The following CDH12 variants were observed in gnomAD, a reference collection of about 807,000 sequenced individuals.
The protein encoded by CDH12 is cadherin-12.
In CDH12, 41 loss-of-function variants were observed where a neutral mutation model predicts 74.1. The ratio of observed to expected loss-of-function variants is 0.55; its 90% CI spans 0.43 to 0.72. The LOEUF (loss-of-function observed/expected upper bound fraction) is 0.72. Among genes scored for constraint, CDH12 ranks in the 30% least tolerant of loss-of-function variants. The probability of loss-of-function intolerance (pLI) is 0.00; values close to 1 mark genes in which losing one functional copy is unlikely to be tolerated. For synonymous variants in CDH12, 399 were observed against 355.0 expected (o/e 1.12, Z -1.39); for missense variants, 945 against 977.2 (o/e 0.97, Z 0.44).
intron 1 of CDH12, among the ~76,000 whole-genome samples, chr5:22,843,214 C>T (rs1240159745): frequency 2.0e-5 from 3 of 152,038 alleles, no homozygotes; most frequent in Non-Finnish European, 4.4e-5. Flanking sequence ...ATCCACAATA[C>T]TGGGGAAGTC....
chr5:22,333,459 G>A (rs1410194041), intron 3 of CDH12, among the ~76,000 whole-genome samples: 1 of 152,024 alleles, frequency 6.6e-6, no homozygotes, highest in African/African-American at 2.4e-5. Flanking sequence ...TTCTGCATGT[G>A]TATCCTGGAA....
At chr5:21,854,027 GA>G (rs1256191748) in intron 7 of CDH12, among the ~76,000 whole-genome samples, 2 of 151,606 alleles carry the variant, frequency 1.3e-5, no homozygotes, top group Non-Finnish European at 3.0e-5. Flanking sequence ...GAAATAGAGT[GA>G]CCTCATTTAT....
At chr5:22,069,873 T>G (rs956060745) in intron 5 of CDH12, among the ~76,000 whole-genome samples, 4 of 152,142 alleles carry the variant, frequency 2.6e-5, no homozygotes, top group African/African-American at 7.2e-5. Flanking sequence ...GCAGAACTAG[T>G]AACGGTCTAG....
chr5:22,778,598 A>G (rs1747226531), intron 1 of CDH12, among the ~76,000 whole-genome samples: 1 of 152,202 alleles, frequency 6.6e-6, no homozygotes, highest in Admixed American at 6.5e-5. Context: ...AAAGCAAAAC[A>G]TATTCCTAAG....
chr5:22,296,785 T>C (rs1737642102), intron 3 of CDH12, among the ~76,000 whole-genome samples: 1 of 152,206 alleles, frequency 6.6e-6, no homozygotes, highest in Non-Finnish European at 1.5e-5. Context: ...CAGTAAAACC[T>C]TTCTAAGCAA....
intron 1 of CDH12, among the ~76,000 whole-genome samples, chr5:22,769,562 T>A (rs1054315285): frequency 6.6e-6 from 1 of 152,062 alleles, no homozygotes; most frequent in Non-Finnish European, 1.5e-5. Flanking sequence ...ATCGTGGGAC[T>A]TCGCCCTGTG....
At chr5:22,107,225 G>A (rs531923737) in intron 4 of CDH12, among the ~76,000 whole-genome samples, 120 of 150,914 alleles carry the variant, frequency 8.0e-4, no homozygotes, top group Middle Eastern at 6.9e-3. Flanking sequence ...CTCTGCCTCC[G>A]AAGTTCAAGC....
chr5:22,313,566 C>T (rs1211499257), intron 3 of CDH12, among the ~76,000 whole-genome samples: 1 of 151,936 alleles, frequency 6.6e-6, no homozygotes, highest in Non-Finnish European at 1.5e-5. Context: ...ATTGATCACA[C>T]TATATAAATT....
intron 2 of CDH12, among the ~76,000 whole-genome samples, chr5:22,491,645 A>G (rs1746877500): frequency 6.6e-6 from 1 of 151,898 alleles, no homozygotes; most frequent in Non-Finnish European, 1.5e-5. Context: ...AAAAACAACA[A>G]CAATAACAAA....
At chr5:22,178,386 T>A (rs1458391577) in intron 4 of CDH12, among the ~76,000 whole-genome samples, 2 of 152,294 alleles carry the variant, frequency 1.3e-5, no homozygotes, top group East Asian at 3.9e-4. Context: ...TAAATACCTA[T>A]GGTATTAATA....
chr5:21,896,470 T>C (rs1753127990), intron 6 of CDH12, among the ~76,000 whole-genome samples: 2 of 152,216 alleles, frequency 1.3e-5, no homozygotes, highest in Admixed American at 1.3e-4. Flanking sequence ...ATCAGATTAT[T>C]ACAATTCTCA....
intron 1 of CDH12, among the ~76,000 whole-genome samples, chr5:22,629,562 C>T (rs1410136592): frequency 6.6e-6 from 1 of 151,998 alleles, no homozygotes; most frequent in Non-Finnish European, 1.5e-5. Flanking sequence ...ATTCGACATA[C>T]CTTCATGTTA....
intron 3 of CDH12, among the ~76,000 whole-genome samples, chr5:22,261,459 A>G (rs1413841061): frequency 6.6e-6 from 1 of 151,994 alleles, no homozygotes; most frequent in Non-Finnish European, 1.5e-5. Flanking sequence ...GATCACAGAT[A>G]TTGCTACAGT....
rs547611172 is a variant in CDH12, at chr5:22,000,526, C to T, written c.232-25141G>A. Among the ~76,000 whole-genome samples, 157 of 152,206 alleles carry T rather than the reference C, an allele frequency of 1.0e-3. 2 individuals carry two copies. Among genetic ancestry groups the T allele is most frequent in the African/African-American group, 3.7e-3 (152 of 41,532 alleles). On this transcript the variant is annotated intron_variant, in intron 5 of 14. Coordinates refer to ENST00000382254, the MANE Select transcript of CDH12 (RefSeq NM_004061.5). ...CAAATAAGCAAGGGGTGGGACTCAA[C>T]CTCTTCATTCTTACTGTAGCAATCT...
intron 1 of CDH12, among the ~76,000 whole-genome samples, chr5:22,639,344 A>C (rs1739015149): frequency 6.6e-6 from 1 of 151,950 alleles, no homozygotes; most frequent in Admixed American, 6.6e-5. Flanking sequence ...ATATAAGCTA[A>C]GTCCTAGTTC....
chr5:22,021,585 G>C lies in CDH12; in HGVS notation c.232-46200C>G, dbSNP rs146500789. ...CACATTCATTAGAAACTTACTCTGA[G>C]TACTCGTACAACCATTTTGCTATTC... On this transcript the variant is annotated intron_variant, in intron 5 of 14. Coordinates refer to ENST00000382254, the MANE Select transcript of CDH12 (RefSeq NM_004061.5). Among the ~76,000 whole-genome samples, 55 of 152,254 alleles carry C rather than the reference G, an allele frequency of 3.6e-4. No homozygotes were observed. The East Asian group carries it at 0.01, about 29-fold the overall frequency.
intron 6 of CDH12, among the ~76,000 whole-genome samples, chr5:21,940,980 T>C (rs1755305309): frequency 6.6e-6 from 1 of 152,208 alleles, no homozygotes. Flanking sequence ...TTTAAATCTA[T>C]GTTTATACTT....
intron 5 of CDH12, among the ~76,000 whole-genome samples, chr5:22,055,563 T>A (rs1370584647): frequency 6.6e-6 from 1 of 152,176 alleles, no homozygotes; most frequent in East Asian, 1.9e-4. Context: ...AACAAATTTT[T>A]TTTCTGTAAG....
chr5:22,827,344 T>C (rs577394293), intron 1 of CDH12, among the ~76,000 whole-genome samples: 2 of 152,360 alleles, frequency 1.3e-5, no homozygotes, highest in South Asian at 4.1e-4. Flanking sequence ...GCATTAATCT[T>C]TGTTGTAAAT....
Sources: allele counts gnomAD v4.1 joint callset (sites outside exome capture counted in the v4.1 genomes callset), GRCh38; gene constraint gnomAD v4.1.1; transcripts MANE v1.5; gene names NCBI Gene and HGNC (gene_info 2026-07-23, HGNC 2026-07-21).